SHB: variants seen among roughly 807,000 people sequenced by gnomAD.
SHB encodes SH2 domain-containing adapter protein B.
Under a neutral mutation model 52.3 loss-of-function variants are expected in SHB, and 20 were observed. The ratio of observed to expected loss-of-function variants is 0.38; its 90% CI spans 0.27 to 0.56. The LOEUF is 0.56. Among genes scored for constraint, SHB ranks in the 20% least tolerant of loss-of-function variants. The pLI is 0.71. For synonymous variants in SHB, 397 were observed against 316.5 expected (o/e 1.25, Z -2.70); for missense variants, 825 against 723.3 (o/e 1.14, Z -1.61).
intron 1 of SHB, among the ~76,000 whole-genome samples, chr9:38,037,253 A>T (rs1376562510): frequency 6.6e-6 from 1 of 152,130 alleles, no homozygotes; most frequent in Non-Finnish European, 1.5e-5. Flanking sequence ...TGTGTAAAGT[A>T]CCAATTGCTG....
chr9:38,023,105 A>G (rs944825976), intron 1 of SHB, among the ~76,000 whole-genome samples: 1 of 152,214 alleles, frequency 6.6e-6, no homozygotes, highest in African/African-American at 2.4e-5. Context: ...CAGCATTTCC[A>G]AAGTCCCAAG....
At chr9:37,921,965 G>A (rs565860991) in intron 5 of SHB, among the ~76,000 whole-genome samples, 1 of 152,364 alleles carries the variant, frequency 6.6e-6, no homozygotes, top group East Asian at 1.9e-4. Context: ...GTGGAAGGGC[G>A]AGAGAGCAGG....
At position 37,969,403 on chromosome 9, in the gene SHB, T is replaced by C. The variant is rs1432688030; in HGVS notation, c.1054+5219A>G. Reference sequence around the variant, plus strand: ...ACCTCCCAGAGGGTGATTATGAGGATTGAATGAGAGAATGCACACAGAAAG... The same window carrying C: ...ACCTCCCAGAGGGTGATTATGAGGACTGAATGAGAGAATGCACACAGAAAG... On this transcript the variant is annotated intron_variant, in intron 3 of 5. Transcript: ENST00000377707. Among the ~76,000 whole-genome samples the C allele has an allele frequency of 2.6e-5, 4 of 152,236 alleles. No homozygotes were observed. The South Asian group carries it at 8.3e-4, about 32-fold the overall frequency.
chr9:37,956,207 T>C (rs929543731), intron 3 of SHB, among the ~76,000 whole-genome samples, 153 bp from the exon 4 acceptor site: 2 of 152,056 alleles, frequency 1.3e-5, no homozygotes, highest in Non-Finnish European at 2.9e-5. Flanking sequence ...GCACAAAAGA[T>C]TTTGGCTTCC....
intron 2 of SHB, among the ~76,000 whole-genome samples, chr9:38,010,303 T>C (rs1821122926): frequency 6.6e-6 from 1 of 152,190 alleles, no homozygotes; most frequent in Admixed American, 6.5e-5. Flanking sequence ...CTAATGACTG[T>C]CATCCATGCC....
At chr9:37,945,820 A>G (rs1285517631) in intron 5 of SHB, among the ~76,000 whole-genome samples, 2 of 152,190 alleles carry the variant, frequency 1.3e-5, no homozygotes, top group African/African-American at 4.8e-5. Flanking sequence ...AGAACCCCTG[A>G]TGTCATTGGT....
At chr9:37,992,884 C>CGCACACACACACAA (rs1653902897) in intron 2 of SHB, among the ~76,000 whole-genome samples, 1 of 50,564 alleles carries the variant, frequency 2.0e-5, no homozygotes, top group African/African-American at 5.2e-5. Context: ...CACACAAACA[C>CGCACACACACACAA]ACACACACAC....
intron 2 of SHB, among the ~76,000 whole-genome samples, chr9:38,011,199 G>T (rs1042962875): frequency 6.6e-6 from 1 of 152,194 alleles, no homozygotes; most frequent in African/African-American, 2.4e-5. Flanking sequence ...AGAAGGGGCT[G>T]TGAAGCTAGC....
chr9:37,982,685 G>A (rs901954041), intron 2 of SHB, among the ~76,000 whole-genome samples: 4 of 151,942 alleles, frequency 2.6e-5, no homozygotes, highest in African/African-American at 9.7e-5. Context: ...TGTAGTCCTA[G>A]CTACTCGGGA....
intron 1 of SHB, among the ~76,000 whole-genome samples, chr9:38,059,503 G>A (rs2118187719): frequency 6.6e-6 from 1 of 152,322 alleles, no homozygotes; most frequent in Admixed American, 6.5e-5. Context: ...CGGGAGTTAG[G>A]AAAGCTCAAA....
intron 2 of SHB, among the ~76,000 whole-genome samples, chr9:38,005,157 T>C (rs1017219421): frequency 6.6e-6 from 1 of 152,238 alleles, no homozygotes; most frequent in South Asian, 2.1e-4. Flanking sequence ...TGACGGCATA[T>C]GGACAGAATG....
At chr9:37,932,273 C>CAAAAAAAAAAA in intron 5 of SHB, among the ~76,000 whole-genome samples, 1 of 56,740 alleles carries the variant, frequency 1.8e-5, no homozygotes, top group Non-Finnish European at 3.3e-5. Context: ...AACTCCATCT[C>CAAAAAAAAAAA]AAAAAAAAAA....
chr9:37,978,788 G>A (rs1820686760), intron 2 of SHB, among the ~76,000 whole-genome samples: 1 of 152,170 alleles, frequency 6.6e-6, no homozygotes, highest in South Asian at 2.1e-4. Context: ...ACTGTGTAGA[G>A]GAGAAGGGAT....
chr9:37,923,466 T>G (rs1832207633), intron 5 of SHB, among the ~76,000 whole-genome samples: 1 of 152,020 alleles, frequency 6.6e-6, no homozygotes, highest in Non-Finnish European at 1.5e-5. Flanking sequence ...GGGTCCGAGG[T>G]CCCGAGACTA....
intron 5 of SHB, among the ~76,000 whole-genome samples, chr9:37,927,242 G>C (rs1832260690): frequency 6.6e-6 from 1 of 152,210 alleles, no homozygotes; most frequent in South Asian, 2.1e-4. Context: ...AGGCAGCTGG[G>C]ATAAAGGAGC....
chr9:38,057,293 TG>T (rs1214249905), intron 1 of SHB, among the ~76,000 whole-genome samples: 1 of 152,178 alleles, frequency 6.6e-6, no homozygotes, highest in Non-Finnish European at 1.5e-5. Context: ...ACTTAATTTT[TG>T]TGGCGAGAAA....
intron 2 of SHB, chr9:38,015,459 T>G: frequency 1.4e-6 from 1 of 703,108 alleles, no homozygotes; most frequent in Non-Finnish European, 2.6e-6. Context: ...ACTGGGGGAA[T>G]GTCTCCATGC....
chr9:37,979,477 C>T (rs895534788), intron 2 of SHB, among the ~76,000 whole-genome samples: 1 of 152,036 alleles, frequency 6.6e-6, no homozygotes, highest in African/African-American at 2.4e-5. Context: ...CGGGGTCTGC[C>T]CATGGGAATG....
chr9:38,027,085 C>T (rs1004265770), intron 1 of SHB, among the ~76,000 whole-genome samples: 1 of 152,250 alleles, frequency 6.6e-6, no homozygotes, highest in African/African-American at 2.4e-5. Context: ...GGCCTGTCTG[C>T]TTCCGCTCCA....
Sources: allele counts gnomAD v4.1 joint callset (sites outside exome capture counted in the v4.1 genomes callset), GRCh38; gene constraint gnomAD v4.1.1; transcripts MANE v1.5; gene names NCBI Gene and HGNC (gene_info 2026-07-23, HGNC 2026-07-21).